Variants in CYRIB observed in about 807,000 individuals in gnomAD.
The protein encoded by CYRIB is CYFIP-related Rac1 interactor B.
Under a neutral mutation model 44.2 loss-of-function variants are expected in CYRIB, and 8 were observed. That is an observed-to-expected ratio of 0.18 (90% confidence interval 0.11 to 0.33). CYRIB has a LOEUF of 0.33. Among genes scored for constraint, CYRIB ranks in the 10% least tolerant of loss-of-function variants. CYRIB has a pLI of 1.00. For synonymous variants in CYRIB, 131 were observed against 127.2 expected (o/e 1.03, Z -0.20); for missense variants, 185 against 382.8 (o/e 0.48, Z 4.31).
At chr8:130,004,390 C>A (rs1040175182) in intron 1 of CYRIB, 1 of 152,184 alleles carries the variant, frequency 6.6e-6, no homozygotes, top group Non-Finnish European at 1.5e-5. Context: ...CAGGCGTGTG[C>A]CACCCAGCCA....
At chr8:129,933,802 A>T (rs1026904439) in intron 1 of CYRIB, among the ~76,000 whole-genome samples, 9 of 151,974 alleles carry the variant, frequency 5.9e-5, no homozygotes, top group African/African-American at 2.2e-4. Flanking sequence ...TGAACCCAGG[A>T]GGCGGAGGTT....
chr8:129,853,353 A>G (rs767289803), intron 7 of CYRIB, among the ~76,000 whole-genome samples: 4 of 152,222 alleles, frequency 2.6e-5, no homozygotes, highest in Non-Finnish European at 5.9e-5. Flanking sequence ...AATTGATGCA[A>G]ATTACAGATG....
At chr8:129,947,031 G>A (rs1373972726) in intron 2 of CYRIB, among the ~76,000 whole-genome samples, 1 of 151,254 alleles carries the variant, frequency 6.6e-6, no homozygotes, top group African/African-American at 2.4e-5. Context: ...CCTTCACAGC[G>A]CTTATCACAA....
At chr8:129,989,051 T>C (rs1280944884) in intron 1 of CYRIB, among the ~76,000 whole-genome samples, 1 of 152,184 alleles carries the variant, frequency 6.6e-6, no homozygotes. Flanking sequence ...CCAGGACAAA[T>C]ACCAGGTTCT....
chr8:129,977,594 CGA>C (rs1229219158), intron 1 of CYRIB, among the ~76,000 whole-genome samples: 2 of 151,524 alleles, frequency 1.3e-5, no homozygotes, highest in Non-Finnish European at 1.5e-5. Context: ...TGCAGTGGAG[CGA>C]TCTCGGCTCA....
chr8:129,915,536 T>G (rs1589634901), intron 1 of CYRIB, among the ~76,000 whole-genome samples: 1 of 152,150 alleles, frequency 6.6e-6, no homozygotes, highest in Middle Eastern at 3.4e-3. Flanking sequence ...AGGGCACAGG[T>G]GGTTGACTGG....
chr8:129,886,924 C>G (rs889893634), intron 2 of CYRIB, among the ~76,000 whole-genome samples: 3 of 152,176 alleles, frequency 2.0e-5, no homozygotes, highest in African/African-American at 4.8e-5. Context: ...AGGCAAAGCA[C>G]TCTTTTAAAC....
intron 1 of CYRIB, among the ~76,000 whole-genome samples, chr8:130,011,301 A>C (rs1299120856): frequency 1.3e-5 from 2 of 151,998 alleles, no homozygotes; most frequent in Admixed American, 1.3e-4. Context: ...TGGGTAGATC[A>C]CCTGAGGTCA....
chr8:130,008,615 TCTCACTC>T (rs2097156554), intron 1 of CYRIB, among the ~76,000 whole-genome samples: 1 of 152,184 alleles, frequency 6.6e-6, no homozygotes, highest in Non-Finnish European at 1.5e-5. Flanking sequence ...GCAGGATGAA[TCTCACTC>T]CTCCCTCAAG....
intron 1 of CYRIB, among the ~76,000 whole-genome samples, chr8:129,988,842 A>C (rs990143015): frequency 6.6e-6 from 1 of 152,086 alleles, no homozygotes; most frequent in African/African-American, 2.4e-5. Context: ...AAGAGCCCTA[A>C]GGAAAAAATC....
At chr8:129,909,871 C>T (rs1399482962) in intron 1 of CYRIB, among the ~76,000 whole-genome samples, 1 of 152,178 alleles carries the variant, frequency 6.6e-6, no homozygotes, top group Non-Finnish European at 1.5e-5. Flanking sequence ...AAACATAATC[C>T]CTGAACATTA....
At chr8:129,885,932 A>C (rs1399475352) in intron 2 of CYRIB, among the ~76,000 whole-genome samples, 1 of 152,148 alleles carries the variant, frequency 6.6e-6, no homozygotes. Flanking sequence ...TCTTTCACAC[A>C]CAAAACACAT....
chr8:129,961,028 A>T (rs574579418), intron 2 of CYRIB, among the ~76,000 whole-genome samples: 1 of 152,252 alleles, frequency 6.6e-6, no homozygotes, highest in South Asian at 2.1e-4. Context: ...AAGCTTTGAA[A>T]GCCCTACTCC....
intron 3 of CYRIB, among the ~76,000 whole-genome samples, chr8:129,876,057 G>T (rs750519344): frequency 4.6e-5 from 7 of 151,626 alleles, no homozygotes; most frequent in East Asian, 1.9e-4. Context: ...AGAATGCAGT[G>T]AGCCAAGATC....
intron 2 of CYRIB, among the ~76,000 whole-genome samples, chr8:129,891,254 G>C (rs2065271168): frequency 6.6e-6 from 1 of 152,172 alleles, no homozygotes; most frequent in Non-Finnish European, 1.5e-5. Context: ...AGTTACCTCA[G>C]CAATCTCTTT....
At chr8:129,885,753 G>A (rs2062501111) in intron 2 of CYRIB, among the ~76,000 whole-genome samples, 1 of 151,948 alleles carries the variant, frequency 6.6e-6, no homozygotes, top group Admixed American at 6.6e-5. Flanking sequence ...TGCAGCCTCA[G>A]TTTTGCTACC....
intron 8 of CYRIB, 119 bp downstream of exon 10, chr8:129,852,043 C>T (rs1435885885): frequency 3.7e-6 from 2 of 537,500 alleles, no homozygotes; most frequent in East Asian, 3.2e-5. Context: ...GGACTCAACA[C>T]ATACATCTGG....
intron 2 of CYRIB, among the ~76,000 whole-genome samples, chr8:129,886,184 C>G (rs965728692): frequency 6.6e-6 from 1 of 152,202 alleles, no homozygotes; most frequent in African/African-American, 2.4e-5. Context: ...TCTTTCAACT[C>G]ATTCCAGTTT....
At chr8:130,002,687 A>G (rs970092725) in intron 1 of CYRIB, among the ~76,000 whole-genome samples, 5 of 152,214 alleles carry the variant, frequency 3.3e-5, no homozygotes, top group Non-Finnish European at 1.5e-5. Flanking sequence ...CACAGCCTCC[A>G]TGGCCCTGAC....
Sources: gnomAD v4.1 joint callset for allele counts (sites outside exome capture counted in the v4.1 genomes callset) on GRCh38, gnomAD v4.1.1 for gene constraint, MANE v1.5 for transcripts, NCBI Gene and HGNC (gene_info 2026-07-23, HGNC 2026-07-21) for gene names.